The following TRPM4 variants were observed in gnomAD, a reference collection of about 807,000 sequenced individuals.
TRPM4 encodes the protein transient receptor potential cation channel subfamily M member 4.
TRPM4 carries 124 observed loss-of-function variants against 135.6 expected under a neutral mutation model. The ratio of observed to expected loss-of-function variants is 0.91; its 90% CI spans 0.79 to 1.06. The LOEUF (loss-of-function observed/expected upper bound fraction) is 1.06, where lower values mean the gene tolerates loss of function less well. Ranked by LOEUF, TRPM4 falls within the 50% of genes least tolerant of loss-of-function variation. TRPM4 has a pLI of 0.00. For synonymous variants in TRPM4, 745 were observed against 705.6 expected (o/e 1.06, Z -0.88); for missense variants, 1,658 against 1,671.4 (o/e 0.99, Z 0.14).
chr19:49,168,647 ACG>A lies in TRPM4; in HGVS notation c.708_709del (p.Asp236GlufsTer34). The A allele has an allele frequency of 1.2e-6, 2 of 1,613,360 alleles. No homozygotes were observed. The highest frequency in any genetic ancestry group is 1.7e-6 in the Non-Finnish European group (2 of 1,179,936). On this transcript the variant is annotated frameshift_variant, in exon 6 of 25. Transcript: ENST00000252826. LOFTEE classifies it high-confidence loss of function. The stretch of plus-strand genomic sequence containing the variant: ...AACTACTCGGCCTTCTTCCTGGTGG[ACG>A]ACGGCACACACGGCTGCCTGGGGGG...
intron 17 of TRPM4, among the ~76,000 whole-genome samples, chr19:49,199,587 T>C (rs1193623418): frequency 4.6e-5 from 7 of 152,106 alleles, no homozygotes; most frequent in African/African-American, 7.2e-5. Flanking sequence ...TTGGGGTTCA[T>C]TGATTTGTAT....
chr19:49,200,785 G>A lies in TRPM4; in HGVS notation c.2953G>A (p.Val985Met), dbSNP rs930812883. The change falls in exon 19 of 25, where the codon GTG (valine) becomes ATG (methionine). Residue 985 changes from valine (V) to methionine (M), a missense_variant and splice_region_variant. Transcript: ENST00000252826. ...FGQIPQEDMDVALMEHSNCSS... is the reference protein window; with the variant it reads ...FGQIPQEDMDMALMEHSNCSS... ...GCAGATTCCCCAGGAGGACATGGAC[G>A]GTAGGGGGGATGACGGCCTGACAGC... 7.4e-6 allele frequency: 12 copies of A among 1,613,824 alleles called. No individual in the cohort carries two copies. The highest frequency in any genetic ancestry group is 1.3e-5 in the African/African-American group (1 of 75,012).
At chr19:49,161,018 G>C (rs1466963744) in intron 2 of TRPM4, among the ~76,000 whole-genome samples, 1 of 152,036 alleles carries the variant, frequency 6.6e-6, no homozygotes, top group Non-Finnish European at 1.5e-5. Flanking sequence ...GAGCTCAGGA[G>C]GGCAAGCAGG....
chr19:49,183,153 C>G lies in TRPM4; in HGVS notation c.1684C>G (p.Leu562Val). The G allele has an allele frequency of 1.2e-6, 2 of 1,614,124 alleles. No individual in the cohort carries two copies. The highest frequency in any genetic ancestry group is 1.7e-4 in the Middle Eastern group (1 of 5,996). ...CCTCGGGCAGGCCCCCTGGAGCGAC[C>G]TGCTTCTTTGGGCACTGTTGCTGAA... ...AGLGQAPWSD[L>V]LLWALLLNRA... Residue 562 changes from leucine (L) to valine (V), a missense_variant, in exon 12 of 25, where the codon CTG becomes GTG. By Grantham distance (32) the Leu-to-Val change is conservative. Transcript: ENST00000252826.
At chr19:49,164,047 G>A (rs998366323) in intron 2 of TRPM4, among the ~76,000 whole-genome samples, 7 of 152,148 alleles carry the variant, frequency 4.6e-5, no homozygotes, top group Admixed American at 1.3e-4. Flanking sequence ...GTGTCTTTAC[G>A]GCTTTTGCCA....
At chr19:49,175,967 A>T (rs1381278896) in intron 9 of TRPM4, among the ~76,000 whole-genome samples, 4 of 133,146 alleles carry the variant, frequency 3.0e-5, no homozygotes, top group Non-Finnish European at 4.7e-5. Flanking sequence ...TCTGTCGCCC[A>T]GGCTGGAGTG....
intron 3 of TRPM4, among the ~76,000 whole-genome samples, chr19:49,166,840 C>T (rs1193962127): frequency 6.7e-6 from 1 of 149,514 alleles, no homozygotes; most frequent in Admixed American, 6.7e-5. Context: ...CTCTGGGTCT[C>T]TGTCTTCCTC....
chr19:49,158,455 C>G, intron 2 of TRPM4, 196 bp downstream of exon 2: 1 of 625,028 alleles, frequency 1.6e-6, no homozygotes, highest in South Asian at 1.8e-5. Flanking sequence ...TCGCCATTCT[C>G]CCGCTCAGGG....
In TRPM4 at chr19:49,210,764, A is replaced by T. The variant is rs372317201; in HGVS notation, c.3383A>T (p.His1128Leu). 1.2e-6 allele frequency: 2 copies of T among 1,614,018 alleles called. No individual in the cohort carries two copies. Among genetic ancestry groups the T allele is most frequent in the Non-Finnish European group, 1.7e-6 (2 of 1,180,048 alleles). Residue 1128 changes from histidine to leucine, a missense_variant, in exon 22 of 25, where the codon CAT becomes CTT. His to Leu is a moderately conservative substitution (Grantham distance 99, BLOSUM62 -3). Coordinates refer to ENST00000252826, the MANE Select transcript of TRPM4 (RefSeq NM_017636.4). This position sits in a 1 kb window ranked among gnomAD's most constrained non-coding sequence, Gnocchi z 4.1. ...ERKLLTWESVHKENFLLARAR... is the reference protein window; with the variant it reads ...ERKLLTWESVLKENFLLARAR... Reference sequence around the variant, plus strand: ...AAGCTGCTAACGTGGGAATCGGTGCATAAGGAGAACTTTCTGCTGGCACGC... The same window carrying T: ...AAGCTGCTAACGTGGGAATCGGTGCTTAAGGAGAACTTTCTGCTGGCACGC...
chr19:49,188,532 T>G, intron 12 of TRPM4, 109 bp from the exon 13 acceptor site: 5 of 1,489,088 alleles, frequency 3.4e-6, no homozygotes, highest in Non-Finnish European at 3.7e-6. Flanking sequence ...TGGCCTCTGA[T>G]GACCCCAGTT....
chr19:49,178,756 T>TA (rs1967797327), intron 9 of TRPM4, among the ~76,000 whole-genome samples: 2 of 127,566 alleles, frequency 1.6e-5, no homozygotes, highest in South Asian at 2.7e-4. Context: ...TTATTATTAT[T>TA]TTTATTTTTT....
Position 49,201,978 on chromosome 19 carries a change from CA to C in TRPM4, c.2969del (p.His990ProfsTer133). 6.2e-7 allele frequency: 1 copy of C among 1,613,780 alleles called. No homozygotes were observed. The highest frequency in any genetic ancestry group is 8.5e-7 in the Non-Finnish European group (1 of 1,180,026). On this transcript the variant is annotated frameshift_variant, in exon 20 of 25. Transcript: ENST00000252826. LOFTEE classifies it high-confidence loss of function. ...QEDMDVALME[H>X]SNCSSEPGFW... Reference sequence around the variant, plus strand: ...TCTCTTCACAGTGGCCCTCATGGAGCACAGCAACTGCTCGTCGGAGCCCGGC... The same window carrying C: ...TCTCTTCACAGTGGCCCTCATGGAGCCAGCAACTGCTCGTCGGAGCCCGGC...
chr19:49,174,990 A>G (rs1010386706), intron 9 of TRPM4, among the ~76,000 whole-genome samples: 2 of 142,422 alleles, frequency 1.4e-5, no homozygotes, highest in Non-Finnish European at 3.0e-5. Flanking sequence ...TACAGTCTTG[A>G]CCTCCTGGGC....
Position 49,200,387 on chromosome 19 carries a change from G to A in TRPM4, c.2733G>A (p.Thr911=), listed in dbSNP as rs756464554. The A allele has an allele frequency of 3.8e-5, 61 of 1,613,752 alleles. No homozygotes were observed. The highest frequency in any genetic ancestry group is 5.0e-5 in the Non-Finnish European group (59 of 1,180,010). The change falls in exon 18 of 25, where the codon ACG becomes ACA. Residue 911 remains threonine (T), a synonymous_variant. Coordinates refer to ENST00000252826, the MANE Select transcript of TRPM4 (RefSeq NM_017636.4). ...VFTVRLLHIF[T]VNKQLGPKIV... The stretch of plus-strand genomic sequence containing the variant: ...CGGTGCGGCTGCTTCACATCTTCAC[G>A]GTCAACAAACAGCTGGGGCCCAAGA...
Position 49,171,739 on chromosome 19 carries a change from C to A in TRPM4, c.1020C>A (p.Pro340=). Reference sequence around the variant, plus strand: ...GAGATCGAATCAGGCGTTTCTTTCCCAAAGGGGACCTTGAGGTCCTGCAGG... The same window carrying A: ...GAGATCGAATCAGGCGTTTCTTTCCAAAAGGGGACCTTGAGGTCCTGCAGG... ...EARDRIRRFF[P]KGDLEVLQAQ... Residue 340 remains proline (P), a synonymous_variant, in exon 8 of 25, where the codon CCC becomes CCA. Transcript: ENST00000252826. This position sits in a 1 kb window ranked among gnomAD's most constrained non-coding sequence, Gnocchi z 4.7. The A allele has an allele frequency of 6.2e-7, 1 of 1,612,118 alleles. No individual in the cohort carries two copies. The highest frequency in any genetic ancestry group is 8.5e-7 in the Non-Finnish European group (1 of 1,179,924).
chr19:49,184,784 AGTCT>A (rs991026989), intron 12 of TRPM4, among the ~76,000 whole-genome samples: 4 of 150,610 alleles, frequency 2.7e-5, no homozygotes, highest in African/African-American at 7.3e-5. Context: ...CGGCCTCTGT[AGTCT>A]GTCTTTTTTT....
intron 20 of TRPM4, among the ~76,000 whole-genome samples, chr19:49,203,479 T>G (rs1716274): frequency 0.28 from 42,348 of 152,014 alleles, 10,397 homozygotes; most frequent in African/African-American, 0.67. Context: ...GCGGCCGGAG[T>G]TGATTTTTAC....
At chr19:49,208,384 T>C (rs1369267313) in intron 20 of TRPM4, among the ~76,000 whole-genome samples, 1 of 151,964 alleles carries the variant, frequency 6.6e-6, no homozygotes, top group Non-Finnish European at 1.5e-5. Flanking sequence ...TGCTTTTCCT[T>C]GGCACTGACG....
intron 16 of TRPM4, among the ~76,000 whole-genome samples, chr19:49,196,150 G>C (rs1968625659): frequency 6.6e-6 from 1 of 151,964 alleles, no homozygotes; most frequent in Admixed American, 6.6e-5. Context: ...GAGCCACCGC[G>C]CCCGATCCGG....
Sources: allele counts gnomAD v4.1 joint callset (sites outside exome capture counted in the v4.1 genomes callset), GRCh38; gene constraint gnomAD v4.1.1; non-coding constraint Gnocchi (gnomAD v3.1); transcripts MANE v1.5; gene names NCBI Gene and HGNC (gene_info 2026-07-23, HGNC 2026-07-21).